KCNMA1: variants seen among roughly 807,000 people sequenced by gnomAD.
The protein encoded by KCNMA1 is Calcium-activated potassium channel subunit alpha-1.
A neutral mutation model predicts 140.0 loss-of-function variants in KCNMA1; 29 were observed. The ratio of observed to expected loss-of-function variants is 0.21; its 90% confidence interval spans 0.15 to 0.28. KCNMA1 has a LOEUF of 0.28. KCNMA1 is among the 10% of genes least tolerant of loss of function. KCNMA1 has a pLI of 1.00. For missense variants in KCNMA1, 880 were observed against 1,602.2 expected, an observed-to-expected ratio of 0.55 and a Z score of 7.70; for synonymous variants, 612 against 611.9, an observed-to-expected ratio of 1.00 and a Z score of 0.00.
intron 1 of KCNMA1, among the ~76,000 whole-genome samples, chr10:77,532,984 C>G (rs2058046009): frequency 6.6e-6 from 1 of 152,218 alleles, no homozygotes; most frequent in Non-Finnish European, 1.5e-5. Context: ...CCTCTACCAT[C>G]TGTAATTAAT....
intron 5 of KCNMA1, among the ~76,000 whole-genome samples, chr10:77,138,533 G>A (rs1328216064): frequency 6.6e-6 from 1 of 152,138 alleles, no homozygotes; most frequent in South Asian, 2.1e-4. Flanking sequence ...CCCCACACGG[G>A]TCTTCCTGCT....
chr10:77,188,875 T>C (rs2098909878), intron 3 of KCNMA1, among the ~76,000 whole-genome samples: 1 of 152,144 alleles, frequency 6.6e-6, no homozygotes, highest in South Asian at 2.1e-4. Context: ...ATCTCACTGC[T>C]AGCAGTTGTT....
At chr10:77,088,866 GA>G in intron 10 of KCNMA1, among the ~76,000 whole-genome samples, 1 of 152,322 alleles carries the variant, frequency 6.6e-6, no homozygotes, top group East Asian at 1.9e-4. Context: ...GATGCTCCTT[GA>G]AAGAGATGTC....
rs563667052 is a variant in KCNMA1, at chr10:77,479,476, A to G, written c.379-75453T>C. On this transcript the variant is annotated intron_variant, in intron 1 of 27. Coordinates refer to ENST00000286628, the MANE Select transcript of KCNMA1 (RefSeq NM_001161352.2). ...AAGGCTAGGCTCAGCCTTTACCAGC[A>G]GAGCCTCCCCAAAGACTCTCTGGCC... is the stretch of plus-strand genomic sequence containing the variant. Among the ~76,000 whole-genome samples the G allele has an allele frequency of 1.0e-3, 153 of 152,322 alleles. 1 individual carries two copies. The highest frequency in any genetic ancestry group is 5.0e-4 in the Non-Finnish European group (34 of 68,026).
chr10:77,042,943 T>C (rs2153594942), intron 14 of KCNMA1, among the ~76,000 whole-genome samples: 1 of 152,368 alleles, frequency 6.6e-6, no homozygotes, highest in East Asian at 1.9e-4. Context: ...TACTTCCCCA[T>C]ATTTTTCTCT....
chr10:76,904,968 CT>C (rs2047215180), intron 25 of KCNMA1: 1 of 152,166 alleles, frequency 6.6e-6, no homozygotes, highest in South Asian at 2.1e-4. Context: ...TGGACTGTGG[CT>C]AAAGGGAGCA....
intron 1 of KCNMA1, among the ~76,000 whole-genome samples, chr10:77,427,267 T>C (rs1373160213): frequency 6.6e-6 from 1 of 152,198 alleles, no homozygotes; most frequent in East Asian, 1.9e-4. Context: ...CAAGGACCCA[T>C]TCAAAACAAT....
chr10:77,069,499 A>C (rs546575815), intron 14 of KCNMA1, among the ~76,000 whole-genome samples: 1 of 152,206 alleles, frequency 6.6e-6, no homozygotes, highest in Non-Finnish European at 1.5e-5. Flanking sequence ...GCATGCCTTG[A>C]AGTTTAAATG....
chr10:77,380,156 T>C (rs1379972995), intron 2 of KCNMA1, among the ~76,000 whole-genome samples: 1 of 152,218 alleles, frequency 6.6e-6, no homozygotes, highest in South Asian at 2.1e-4. Flanking sequence ...AATTTTATGT[T>C]GTCGTCTGAA....
chr10:77,412,786 T>C (rs1308828476), intron 1 of KCNMA1, among the ~76,000 whole-genome samples: 1 of 152,242 alleles, frequency 6.6e-6, no homozygotes, highest in African/African-American at 2.4e-5. Flanking sequence ...GAAGGGATTT[T>C]CTGGGGAAAA....
chr10:77,318,004 G>C (rs976997005), intron 2 of KCNMA1, among the ~76,000 whole-genome samples: 2 of 152,174 alleles, frequency 1.3e-5, no homozygotes, highest in African/African-American at 4.8e-5. Flanking sequence ...TGATGGAAGA[G>C]AGGCATTTAC....
chr10:77,413,073 G>A (rs1274830843), intron 1 of KCNMA1, among the ~76,000 whole-genome samples: 34 of 152,026 alleles, frequency 2.2e-4, no homozygotes, highest in Non-Finnish European at 1.2e-4. Context: ...GGCCAGGCTG[G>A]TCTCAAACTT....
chr10:77,626,450 ATGT>A (rs2154570442), intron 1 of KCNMA1, among the ~76,000 whole-genome samples: 1 of 152,354 alleles, frequency 6.6e-6, no homozygotes, highest in Non-Finnish European at 1.5e-5. Context: ...TTGCCAGCTA[ATGT>A]TGGTCATAAA....
rs771920553 is a variant in KCNMA1 at position 77,108,594 on chromosome 10, G to C, written c.1132-22C>G. ...TGGCCTGAGAAGATAGGAGACAGAAGAGAGACTAAAAAGACAGGCCAAAGA... is the reference window on the plus strand; with the variant it reads ...TGGCCTGAGAAGATAGGAGACAGAACAGAGACTAAAAAGACAGGCCAAAGA... On this transcript the variant is annotated intron_variant, in intron 8 of 27. Coordinates refer to ENST00000286628, the MANE Select transcript of KCNMA1 (RefSeq NM_001161352.2). The surrounding 1 kb of genome is among the most constrained non-coding windows in gnomAD (Gnocchi z 4.6). 2.5e-6 allele frequency: 4 copies of C among 1,587,074 alleles called. No homozygotes were observed. The highest frequency in any genetic ancestry group is 3.5e-6 in the Non-Finnish European group (4 of 1,156,736).
At chr10:77,616,559 A>G (rs919447560) in intron 1 of KCNMA1, among the ~76,000 whole-genome samples, 1 of 152,172 alleles carries the variant, frequency 6.6e-6, no homozygotes, top group Admixed American at 6.5e-5. Context: ...TAATCCCAGC[A>G]CTTTGGGAGG....
intron 18 of KCNMA1, among the ~76,000 whole-genome samples, chr10:77,006,977 G>T (rs930409766): frequency 6.6e-6 from 1 of 152,136 alleles, no homozygotes; most frequent in African/African-American, 2.4e-5. Flanking sequence ...ACCAAAATCA[G>T]ATGATCAACT....
chr10:76,892,954 TG>T (rs1473143554), intron 25 of KCNMA1, among the ~76,000 whole-genome samples: 1 of 152,198 alleles, frequency 6.6e-6, no homozygotes, highest in East Asian at 1.9e-4. Flanking sequence ...AATTTAGGAA[TG>T]TTATCCATAG....
chr10:77,378,437 C>T lies in KCNMA1; in HGVS notation c.540+25425G>A, dbSNP rs187429239. Among the ~76,000 whole-genome samples, 30 of 152,326 alleles carry T rather than the reference C, an allele frequency of 2.0e-4. No homozygotes were observed. The East Asian group carries it at 2.5e-3, about 13-fold the overall frequency. ...TCTTGCCAGGGTGAGGGCCACCAAGCGGGTTAGCTCACTCTGCCACATTCT... is the reference window on the plus strand; with the variant it reads ...TCTTGCCAGGGTGAGGGCCACCAAGTGGGTTAGCTCACTCTGCCACATTCT... On this transcript the variant is annotated intron_variant, in intron 2 of 27. Transcript: ENST00000286628.
intron 1 of KCNMA1, among the ~76,000 whole-genome samples, chr10:77,452,859 T>C (rs142948975): frequency 1.1e-3 from 160 of 152,338 alleles, no homozygotes; most frequent in African/African-American, 3.6e-3. Flanking sequence ...TTCCAGCTCT[T>C]GGATCCTCCC....
Sources: gnomAD v4.1 joint callset for allele counts (sites outside exome capture counted in the v4.1 genomes callset) on GRCh38, gnomAD v4.1.1 for gene constraint, Gnocchi (gnomAD v3.1) non-coding constraint, MANE v1.5 for transcripts, NCBI Gene and HGNC (gene_info 2026-07-23, HGNC 2026-07-21) for gene names.